Variants in PKN2 observed in about 807,000 individuals in gnomAD.
The protein encoded by PKN2 is protein kinase N2.
A neutral mutation model predicts 119.1 loss-of-function variants in PKN2; 38 were observed. The ratio of observed to expected loss-of-function variants is 0.32; its 90% CI spans 0.25 to 0.42. The LOEUF (loss-of-function observed/expected upper bound fraction) is 0.42, where lower values mean the gene tolerates loss of function less well. Ranked by LOEUF, PKN2 falls within the 10% of genes least tolerant of loss-of-function variation. The pLI is 1.00. For synonymous variants in PKN2, 390 were observed against 384.9 expected (o/e 1.01, Z -0.15); for missense variants, 850 against 1,165.1 (o/e 0.73, Z 3.94).
intron 6 of PKN2, among the ~76,000 whole-genome samples, chr1:88,773,259 A>T (rs1421514378): frequency 1.3e-5 from 2 of 150,288 alleles, no homozygotes; most frequent in East Asian, 1.9e-4. Flanking sequence ...ATTGAGACAG[A>T]GTCTCACTCT....
intron 1 of PKN2, among the ~76,000 whole-genome samples, chr1:88,717,721 C>T (rs1421402254): frequency 1.4e-4 from 22 of 152,102 alleles, no homozygotes; most frequent in Admixed American, 1.4e-3. Flanking sequence ...TTTTAGCTTC[C>T]TTGCGATGGG....
At chr1:88,726,423 G>T (rs922016766) in intron 1 of PKN2, among the ~76,000 whole-genome samples, 11 of 152,104 alleles carry the variant, frequency 7.2e-5, no homozygotes, top group Admixed American at 2.6e-4. Context: ...ATAAGTTGGC[G>T]TGATCATGTG....
rs981969388 is a variant in PKN2 at position 88,774,423 on chromosome 1, C to G, written c.985+2544C>G. 1.8e-4 allele frequency among the ~76,000 whole-genome samples: 27 copies of G among 152,264 alleles called. 1 individual carries two copies. The highest frequency in any genetic ancestry group is 1.8e-3 in the Admixed American group (27 of 15,300). ...CATTCTTTCTGGCATGGCCAGCCCC[C>G]ATCCTGAAACTGTCTAGAGGCCCAC... On this transcript the variant is annotated intron_variant, in intron 6 of 21. Coordinates refer to ENST00000370521, the MANE Select transcript of PKN2 (RefSeq NM_006256.4).
intron 6 of PKN2, among the ~76,000 whole-genome samples, chr1:88,779,455 G>C (rs1316932326): frequency 2.7e-5 from 4 of 150,646 alleles, no homozygotes; most frequent in African/African-American, 9.8e-5. Flanking sequence ...ATTTATTAAA[G>C]GAATATACTT....
intron 12 of PKN2, among the ~76,000 whole-genome samples, 160 bp from the exon 13 acceptor site, chr1:88,807,153 A>C (rs957942453): frequency 1.3e-5 from 2 of 152,106 alleles, no homozygotes; most frequent in African/African-American, 4.8e-5. Context: ...CACCTCTAAA[A>C]AAAGAAAAAA....
intron 18 of PKN2, among the ~76,000 whole-genome samples, chr1:88,827,397 A>G (rs1471111795): frequency 6.6e-6 from 1 of 151,972 alleles, no homozygotes; most frequent in African/African-American, 2.4e-5. Context: ...CCAAGTCTAA[A>G]CACAAAATTT....
At chr1:88,781,239 G>A in intron 6 of PKN2, 1 of 956,578 alleles carries the variant, frequency 1.0e-6, no homozygotes, top group Non-Finnish European at 1.4e-6. Flanking sequence ...TTTCTTTTGT[G>A]GTTGTATGAT....
At chr1:88,822,128 G>T in intron 17 of PKN2, 125 bp downstream of exon 17, 1 of 847,204 alleles carries the variant, frequency 1.2e-6, no homozygotes, top group Non-Finnish European at 1.7e-6. Flanking sequence ...TCACCTGTAA[G>T]TCAAACCCCA....
intron 19 of PKN2, among the ~76,000 whole-genome samples, chr1:88,832,176 G>A (rs1418946764): frequency 2.0e-5 from 3 of 151,860 alleles, no homozygotes; most frequent in African/African-American, 4.8e-5. Flanking sequence ...CCATGATTGT[G>A]TTTTACCACC....
At chr1:88,781,247 G>A in intron 6 of PKN2, 1 of 848,246 alleles carries the variant, frequency 1.2e-6, no homozygotes, top group Non-Finnish European at 1.6e-6. Context: ...GTGGTTGTAT[G>A]ATTATACTAC....
chr1:88,705,116 A>ATCTTT (rs540483763), intron 1 of PKN2, among the ~76,000 whole-genome samples: 2 of 151,114 alleles, frequency 1.3e-5, no homozygotes, highest in South Asian at 2.1e-4. Context: ...TCTGTAGCTT[A>ATCTTT]TCTTTTCTTT....
At position 88,744,687 on chromosome 1, in the gene PKN2, C is replaced by T. The variant is rs141629764; in HGVS notation, c.349+3399C>T. ...CCGCCCACCTCGGCTTCCCAAAGTG[C>T]TGGGATTACAGGCATGAGCCATCCT... On this transcript the variant is annotated intron_variant, in intron 2 of 21. Transcript: ENST00000370521. 6.2e-3 allele frequency among the ~76,000 whole-genome samples: 944 copies of T among 152,318 alleles called. 12 individuals are homozygous for T. In the South Asian group the frequency reaches 0.067, roughly 11 times the overall value.
intron 1 of PKN2, among the ~76,000 whole-genome samples, chr1:88,690,811 A>C (rs982298584): frequency 1.3e-5 from 2 of 152,202 alleles, no homozygotes; most frequent in African/African-American, 4.8e-5. Context: ...GATGACAGTA[A>C]ACACCTTAAA....
intron 2 of PKN2, among the ~76,000 whole-genome samples, chr1:88,751,759 T>G (rs1669009106): frequency 1.3e-5 from 2 of 152,154 alleles, no homozygotes; most frequent in African/African-American, 2.4e-5. Flanking sequence ...CAGACCTACC[T>G]TCTAGAGTGA....
intron 8 of PKN2, among the ~76,000 whole-genome samples, chr1:88,792,278 C>T (rs894006080): frequency 3.3e-5 from 5 of 152,152 alleles, no homozygotes; most frequent in South Asian, 2.1e-4. Context: ...GTGGCGCATG[C>T]CTGTAACCCA....
At chr1:88,823,907 G>T (rs1285707990) in intron 17 of PKN2, among the ~76,000 whole-genome samples, 1 of 150,214 alleles carries the variant, frequency 6.7e-6, no homozygotes, top group African/African-American at 2.5e-5. Flanking sequence ...TACTCGGGAG[G>T]CTGAGGCAGG....
chr1:88,785,777 T>C (rs1670546357), intron 7 of PKN2, among the ~76,000 whole-genome samples: 1 of 152,140 alleles, frequency 6.6e-6, no homozygotes. Flanking sequence ...GCTCTATAAA[T>C]ATAAGATATA....
In PKN2 at chr1:88,832,317, T is replaced by G. The variant is rs947643187; in HGVS notation, c.2563-427T>G. On this transcript the variant is annotated intron_variant, in intron 19 of 21. Coordinates refer to ENST00000370521, the MANE Select transcript of PKN2 (RefSeq NM_006256.4). ...ATTTTCTTCTGTTTTTCCACAAGATTGAGGTTCTTCAGGATTTATCTATTA... is the reference window on the plus strand; with the variant it reads ...ATTTTCTTCTGTTTTTCCACAAGATGGAGGTTCTTCAGGATTTATCTATTA... Among the ~76,000 whole-genome samples the G allele has an allele frequency of 7.9e-5, 12 of 152,122 alleles. No homozygotes were observed. The East Asian group carries it at 2.3e-3, about 29-fold the overall frequency.
rs759847135 is a variant in PKN2 at position 88,741,257 on chromosome 1, T to C, written c.318T>C (p.His106=). 15 of 1,591,942 alleles carry C rather than the reference T, an allele frequency of 9.4e-6. No individual in the cohort carries two copies. Among genetic ancestry groups the C allele is most frequent in the Non-Finnish European group, 1.3e-5 (15 of 1,172,772 alleles). Reference sequence around the variant, plus strand: ...ACAAGCTGCAGGAATTAAATGCACATATTGTTGTATCAGATCCAGAAGATA... The same window carrying C: ...ACAAGCTGCAGGAATTAAATGCACACATTGTTGTATCAGATCCAGAAGATA... ...LHHKLQELNA[H]IVVSDPEDIT... Residue 106 remains histidine, a synonymous_variant, in exon 2 of 22, where the codon CAT becomes CAC. Transcript: ENST00000370521.
Sources: allele counts gnomAD v4.1 joint callset (sites outside exome capture counted in the v4.1 genomes callset), GRCh38; gene constraint gnomAD v4.1.1; transcripts MANE v1.5; gene names NCBI Gene and HGNC (gene_info 2026-07-23, HGNC 2026-07-21).